Variants in MUC6 observed in about 807,000 individuals in gnomAD.
MUC6 encodes the protein mucin-6.
A neutral mutation model predicts 201.5 loss-of-function variants in MUC6; 188 were observed. The ratio of observed to expected loss-of-function variants is 0.93; its 90% CI spans 0.83 to 1.05. MUC6 has a LOEUF of 1.05. MUC6 is among the 50% of genes least tolerant of loss of function. The probability of loss-of-function intolerance (pLI) is 0.00; values close to 1 mark genes in which losing one functional copy is unlikely to be tolerated. For missense variants in MUC6, 2,706 were observed against 3,256.9 expected (o/e 0.83, Z 4.12); for synonymous variants, 1,228 against 1,389.4 (o/e 0.88, Z 2.58).
chr11:1,027,787 C>T lies in MUC6; in HGVS notation c.1879G>A (p.Glu627Lys), dbSNP rs773455184. The part of the protein sequence containing the change: ...RCVYQACNYE[E>K]TFPHICAALG... Reference sequence around the variant, plus strand: ...GCGGCACAGATGTGGGGAAAGGTCTCCTCGTAGTTGCAGGCCTGGTACACG... The same window carrying T: ...GCGGCACAGATGTGGGGAAAGGTCTTCTCGTAGTTGCAGGCCTGGTACACG... The change falls in exon 16 of 33, where the codon GAG (glutamate) becomes AAG (lysine). Residue 627 changes from glutamate to lysine, a missense_variant. Around this residue, in one of 10 missense-constraint regions of MUC6, gnomAD observed 1,850 missense variants for 1,958.3 expected, o/e 0.94. Coordinates refer to ENST00000421673, the MANE Select transcript of MUC6 (RefSeq NM_005961.3). 6.2e-6 allele frequency: 10 copies of T among 1,610,992 alleles called. No homozygotes were observed. The highest frequency in any genetic ancestry group is 7.6e-6 in the Non-Finnish European group (9 of 1,179,432).
In MUC6 at chr11:1,015,750, G is replaced by T; in HGVS notation, c.7039+12C>A. ...GTGAGGCCAGGAGAAGGGCCACAGA[G>T]ATGCCACTTACCGGGTGAGGTGGGC... On this transcript the variant is annotated intron_variant, in intron 31 of 32. Coordinates refer to ENST00000421673, the MANE Select transcript of MUC6 (RefSeq NM_005961.3). 6.5e-7 allele frequency: 1 copy of T among 1,527,500 alleles called. No individual in the cohort carries two copies. Among genetic ancestry groups the T allele is most frequent in the Non-Finnish European group, 8.8e-7 (1 of 1,136,746 alleles). 94.6% of individuals were successfully genotyped at this position (1,527,500 alleles called of 1,614,324 possible). A position where few individuals can be genotyped will look rare whatever the true frequency, so the allele number is the denominator to read the frequency against.
intron 2 of MUC6, 133 bp from the exon 3 acceptor site, chr11:1,032,186 G>A: frequency 8.2e-7 from 1 of 1,218,562 alleles, no homozygotes; most frequent in Non-Finnish European, 1.1e-6. Flanking sequence ...GGAAACCCCA[G>A]ACATCCGATG....
Position 1,019,432 on chromosome 11 carries a change from T to C in MUC6, c.3873A>G (p.Thr1291=). Residue 1291 remains threonine (T), a synonymous_variant, in exon 30 of 33, where the codon ACA becomes ACG. Coordinates refer to ENST00000421673, the MANE Select transcript of MUC6 (RefSeq NM_005961.3). ...QATSGLPPTA[T]LRSTATKPTV... ...TGGGTTTTGTGGCTGTCGATCTCAG[T>C]GTGGCTGTGGGAGGCAGCCCTGATG... The C allele has an allele frequency of 6.2e-7, 1 of 1,613,780 alleles. No individual in the cohort carries two copies. The highest frequency in any genetic ancestry group is 8.5e-7 in the Non-Finnish European group (1 of 1,179,820).
At chr11:1,032,529 C>A (rs1244185673) in intron 2 of MUC6, among the ~76,000 whole-genome samples, 1 of 145,498 alleles carries the variant, frequency 6.9e-6, no homozygotes, top group Non-Finnish European at 1.5e-5. Flanking sequence ...GTGTTGGGTG[C>A]GTGTCTCAGG....
chr11:1,015,685 A>G lies in MUC6; in HGVS notation c.7039+77T>C, dbSNP rs1047080586. 6.0e-6 allele frequency: 9 copies of G among 1,491,468 alleles called. No homozygotes were observed. The African/African-American group carries it at 1.3e-4, about 21-fold the overall frequency. The allele number at this position is 1,491,468 out of a possible 1,614,324, so 92.4% of individuals were successfully genotyped here. Reference sequence around the variant, plus strand: ...CTGGGATCACAGGACCATGAGGGGTAAGCTGAGGCAGGGGCTGCCTGGGAG... The same window carrying G: ...CTGGGATCACAGGACCATGAGGGGTGAGCTGAGGCAGGGGCTGCCTGGGAG... On this transcript the variant is annotated intron_variant, in intron 31 of 32. Coordinates refer to ENST00000421673, the MANE Select transcript of MUC6 (RefSeq NM_005961.3).
chr11:1,029,829 CTA>C (rs1196661664), intron 8 of MUC6, among the ~76,000 whole-genome samples: 1 of 152,218 alleles, frequency 6.6e-6, no homozygotes, highest in Non-Finnish European at 1.5e-5. Context: ...ATTCGCAACT[CTA>C]TGTCAGGCCC....
At chr11:1,029,740 A>C in intron 8 of MUC6, 125 bp from the exon 9 acceptor site, 2 of 1,293,280 alleles carry the variant, frequency 1.5e-6, no homozygotes, top group Non-Finnish European at 2.1e-6. Context: ...GCCTGGCTCC[A>C]GGGAGACGCC....
Position 1,015,954 on chromosome 11 carries a change from A to G in MUC6, c.6847T>C (p.Ser2283Pro). The stretch of plus-strand genomic sequence containing the variant: ...CCCGAGGTGAGTGACACAAAGCCTG[A>G]TGTGGGAACTCGGGTGGTGAGAGAA... ...STSLTTRVPTSGFVSLTSGVT... is the reference protein window; with the variant it reads ...STSLTTRVPTPGFVSLTSGVT... The change falls in exon 31 of 33, where the codon TCA (serine) becomes CCA (proline). Residue 2283 changes from serine (S) to proline (P), a missense_variant. Ser to Pro is a moderately conservative substitution (Grantham distance 74). This residue lies in a region of MUC6 where 586 missense variants were observed against 488.0 expected (regional missense o/e 1.20). Coordinates refer to ENST00000421673, the MANE Select transcript of MUC6 (RefSeq NM_005961.3). 6.3e-7 allele frequency: 1 copy of G among 1,593,336 alleles called. No homozygotes were observed. The highest frequency in any genetic ancestry group is 8.6e-7 in the Non-Finnish European group (1 of 1,167,104).
intron 28 of MUC6, 33 bp downstream of exon 28, chr11:1,020,651 C>T (rs760387349): frequency 2.4e-5 from 39 of 1,613,316 alleles, no homozygotes; most frequent in Admixed American, 8.3e-5. Flanking sequence ...AAAGGGCCTG[C>T]GTCACCTTGG....
chr11:1,020,935 A>T (rs1419215705), intron 27 of MUC6, among the ~76,000 whole-genome samples: 1 of 152,070 alleles, frequency 6.6e-6, no homozygotes, highest in Non-Finnish European at 1.5e-5. Flanking sequence ...GCACCCTGGC[A>T]GGCCTGGTGA....
chr11:1,031,818 G>A lies in MUC6; in HGVS notation c.351C>T (p.Asp117=), dbSNP rs780311967. Residue 117 remains aspartate, a synonymous_variant, in exon 3 of 33, where the codon GAC becomes GAT. Transcript: ENST00000421673. ...CCCCGGCCCACCTGACCTACCCGAT[G>A]TCCTTGACTGAGATGATGGCTTCGC... ...TVSEAIISVK[D]IGVISLPYTS... 6.2e-7 allele frequency: 1 copy of A among 1,605,190 alleles called. No individual in the cohort carries two copies. Among genetic ancestry groups the A allele is most frequent in the South Asian group, 1.1e-5 (1 of 89,764 alleles).
rs778161317 is a variant in MUC6 at position 1,025,786 on chromosome 11, A to C, written c.2799+19T>G. 4 of 1,601,054 alleles carry C rather than the reference A, an allele frequency of 2.5e-6. No individual in the cohort carries two copies. The highest frequency in any genetic ancestry group is 3.4e-6 in the Non-Finnish European group (4 of 1,173,336). On this transcript the variant is annotated intron_variant, in intron 22 of 32. Transcript: ENST00000421673. ...CCTACCGCCCGTCCTGCCCTGCCAG[A>C]GTCTGCCCGGCTGCTCACCCCCAGG... is the stretch of plus-strand genomic sequence containing the variant.
intron 1 of MUC6, 80 bp downstream of exon 1, chr11:1,036,524 G>A: frequency 6.8e-7 from 1 of 1,478,160 alleles, no homozygotes; most frequent in Non-Finnish European, 9.2e-7. Context: ...GAGTTGTCGA[G>A]GCGAGAAGGC....
chr11:1,013,532 G>A lies in MUC6; in HGVS notation c.7244C>T (p.Thr2415Met), dbSNP rs1359695391. The A allele has an allele frequency of 1.6e-5, 26 of 1,581,836 alleles. No homozygotes were observed. The highest frequency in any genetic ancestry group is 1.1e-4 in the African/African-American group (8 of 74,122). Reference protein sequence around the residue: ...QLELPCPDPSTPGRRLVLTLQ... With the variant: ...QLELPCPDPSMPGRRLVLTLQ... Reference sequence around the variant, plus strand: ...GGTGAGTACGAGCCGCCGGCCAGGCGTGCTGGGATCGGGGCAGGGCAGCTC... The same window carrying A: ...GGTGAGTACGAGCCGCCGGCCAGGCATGCTGGGATCGGGGCAGGGCAGCTC... The change falls in exon 33 of 33, where the codon ACG becomes ATG. Residue 2415 changes from threonine (T) to methionine (M), a missense_variant. Physicochemically the swap from Thr to Met is moderately conservative, Grantham distance 81 (BLOSUM62 -1). Around this residue, in one of 10 missense-constraint regions of MUC6, gnomAD observed 586 missense variants for 488.0 expected, o/e 1.20. Coordinates refer to ENST00000421673, the MANE Select transcript of MUC6 (RefSeq NM_005961.3).
At chr11:1,015,038 T>C (rs937266970) in intron 31 of MUC6, among the ~76,000 whole-genome samples, 1 of 152,192 alleles carries the variant, frequency 6.6e-6, no homozygotes, top group Non-Finnish European at 1.5e-5. Context: ...TGGAGGTCGA[T>C]GCATGCGAGG....
Position 1,031,036 on chromosome 11 carries a change from TGTG to T in MUC6, c.592_594del (p.His198del). ...TCCAGCTTCTGGAGGGCAGCAAACT[TGTG>T]GGGTTCCAGGAACTTGCCTGGGGTG... On this transcript the variant is annotated inframe_deletion, in exon 6 of 33. Transcript: ENST00000421673. The T allele has an allele frequency of 1.1e-5, 18 of 1,573,342 alleles. No individual in the cohort carries two copies. The highest frequency in any genetic ancestry group is 1.5e-5 in the Non-Finnish European group (17 of 1,161,596).
At chr11:1,013,800 TG>T (rs1856535751) in intron 32 of MUC6, 98 bp downstream of exon 32, 2 of 1,413,070 alleles carry the variant, frequency 1.4e-6, no homozygotes, top group Non-Finnish European at 1.9e-6. Context: ...GCTCACCTGA[TG>T]GGGCAGCAGG....
chr11:1,022,679 A>G (rs1291020696), intron 26 of MUC6, among the ~76,000 whole-genome samples: 1 of 152,190 alleles, frequency 6.6e-6, no homozygotes, highest in African/African-American at 2.4e-5. Flanking sequence ...TGTTTTGTGT[A>G]AGGCCAGGTC....
chr11:1,024,449 C>T (rs76013355), intron 24 of MUC6, among the ~76,000 whole-genome samples: 2,708 of 152,320 alleles, frequency 0.018, 31 homozygotes, highest in Non-Finnish European at 0.028. Context: ...CGCGGGGTGC[C>T]CCCATCCTCT....
Sources: allele counts gnomAD v4.1 joint callset (sites outside exome capture counted in the v4.1 genomes callset), GRCh38; gene constraint gnomAD v4.1.1; regional missense constraint gnomAD v4.1.1; transcripts MANE v1.5; gene names NCBI Gene and HGNC (gene_info 2026-07-23, HGNC 2026-07-21).